The following ARHGEF28 variants were observed in gnomAD, a reference collection of about 807,000 sequenced individuals.
ARHGEF28 encodes the protein Rho guanine nucleotide exchange factor 28.
Under a neutral mutation model 206.6 loss-of-function variants are expected in ARHGEF28, and 152 were observed. The observed-to-expected ratio is 0.74, with a 90% CI of 0.64 to 0.84. ARHGEF28 has a LOEUF of 0.84. ARHGEF28 is among the 40% of genes least tolerant of loss of function. The probability of loss-of-function intolerance (pLI) is 0.00; values close to 1 mark genes in which losing one functional copy is unlikely to be tolerated. For synonymous variants in ARHGEF28, 763 were observed against 776.4 expected, an observed-to-expected ratio of 0.98 and a Z score of 0.29; for missense variants, 2,028 against 2,073.2, an observed-to-expected ratio of 0.98 and a Z score of 0.42.
At chr5:73,859,791 G>C (rs1759277416) in intron 16 of ARHGEF28, among the ~76,000 whole-genome samples, 1 of 152,094 alleles carries the variant, frequency 6.6e-6, no homozygotes, top group Admixed American at 6.5e-5. Context: ...GGGTGGACTT[G>C]TGGACTTGAG....
At chr5:73,690,430 G>C (rs940739349) in intron 2 of ARHGEF28, among the ~76,000 whole-genome samples, 1 of 149,418 alleles carries the variant, frequency 6.7e-6, no homozygotes, top group Non-Finnish European at 1.5e-5. Context: ...ATAATTGGCT[G>C]TGTGTGGTGG....
chr5:73,749,597 G>C lies in ARHGEF28; in HGVS notation c.34-240G>C, dbSNP rs16870761. 0.35 allele frequency among the ~76,000 whole-genome samples: 53,717 copies of C among 152,116 alleles called. 10,753 individuals are homozygous for C. Among genetic ancestry groups the C allele is most frequent in the African/African-American group, 0.55 (22,636 of 41,482 alleles). ...AAAAAATTCTTTCCTGTGCCCTGAA[G>C]TTCTTTAACTTTAAAAACAGAACAA... On this transcript the variant is annotated intron_variant, in intron 2 of 35. Transcript: ENST00000513042.
chr5:73,629,550 T>C (rs1457516168), intron 1 of ARHGEF28, among the ~76,000 whole-genome samples: 1 of 151,174 alleles, frequency 6.6e-6, no homozygotes, highest in Non-Finnish European at 1.5e-5. Flanking sequence ...GCAAAATAAG[T>C]CATGTAACTT....
chr5:73,800,009 A>T (rs1185552321), intron 9 of ARHGEF28, among the ~76,000 whole-genome samples: 1 of 152,174 alleles, frequency 6.6e-6, no homozygotes, highest in Non-Finnish European at 1.5e-5. Flanking sequence ...CTTGGAAAAA[A>T]ATTATGTTAG....
intron 3 of ARHGEF28, among the ~76,000 whole-genome samples, chr5:73,751,403 C>G (rs1012314136): frequency 6.6e-6 from 1 of 152,138 alleles, no homozygotes; most frequent in African/African-American, 2.4e-5. Flanking sequence ...GAGCGAGACT[C>G]TGTCTCAAAA....
chr5:73,894,116 A>G (rs771307521), intron 28 of ARHGEF28, among the ~76,000 whole-genome samples: 2 of 148,630 alleles, frequency 1.3e-5, no homozygotes, highest in African/African-American at 2.6e-5. Flanking sequence ...AACAAAGAAT[A>G]GCTTTGCAAA....
At chr5:73,913,467 A>G (rs392344) in intron 35 of ARHGEF28, among the ~76,000 whole-genome samples, 46,787 of 152,156 alleles carry the variant, frequency 0.31, 7,454 homozygotes, top group African/African-American at 0.37. Flanking sequence ...AAGGCTAGAT[A>G]AAATTATTCA....
chr5:73,721,119 C>T (rs1244345117), intron 2 of ARHGEF28, among the ~76,000 whole-genome samples: 1 of 152,148 alleles, frequency 6.6e-6, no homozygotes, highest in Non-Finnish European at 1.5e-5. Flanking sequence ...CTCTTTCCTT[C>T]TCTCTCTCTT....
At position 73,886,127 on chromosome 5, in the gene ARHGEF28, A is replaced by G. The variant is rs762712345; in HGVS notation, c.3310+23A>G. 5.7e-6 allele frequency: 9 copies of G among 1,590,070 alleles called. No homozygotes were observed. The South Asian group carries it at 6.9e-5, about 12-fold the overall frequency. On this transcript the variant is annotated intron_variant, in intron 25 of 35. Coordinates refer to ENST00000513042, the MANE Select transcript of ARHGEF28 (RefSeq NM_001177693.2). Reference sequence around the variant, plus strand: ...AAGGTACTGTGGCTCTACCAGACCAATTTCTCCCTTCATACACATTATTCA... The same window carrying G: ...AAGGTACTGTGGCTCTACCAGACCAGTTTCTCCCTTCATACACATTATTCA...
At chr5:73,728,186 G>A (rs935238324) in intron 2 of ARHGEF28, among the ~76,000 whole-genome samples, 1 of 152,186 alleles carries the variant, frequency 6.6e-6, no homozygotes, top group East Asian at 1.9e-4. Flanking sequence ...TATCTATGCT[G>A]TCATTGAAGC....
chr5:73,772,638 C>G (rs1349306365), intron 4 of ARHGEF28, among the ~76,000 whole-genome samples: 1 of 152,150 alleles, frequency 6.6e-6, no homozygotes, highest in Non-Finnish European at 1.5e-5. Flanking sequence ...GTTGGCCTCC[C>G]AAAGTGCTGG....
In ARHGEF28 at chr5:73,716,396, C is replaced by G. The variant is rs116388388; in HGVS notation, c.33+31512C>G. 3.4e-3 allele frequency among the ~76,000 whole-genome samples: 512 copies of G among 152,290 alleles called. 3 individuals carry two copies. Among genetic ancestry groups the G allele is most frequent in the African/African-American group, 0.012 (483 of 41,552 alleles). ...TAGGTTTCTTCACCTGTTACATAGC[C>G]TGTTGTGGCCTGGATTTTGCTTATG... On this transcript the variant is annotated intron_variant, in intron 2 of 35. Coordinates refer to ENST00000513042, the MANE Select transcript of ARHGEF28 (RefSeq NM_001177693.2).
At chr5:73,857,473 C>T (rs2112611670) in intron 14 of ARHGEF28, among the ~76,000 whole-genome samples, 183 bp from the exon 15 acceptor site, 1 of 152,030 alleles carries the variant, frequency 6.6e-6, no homozygotes, top group South Asian at 2.1e-4. Context: ...TGTCTGTTCA[C>T]TTATGCTATA....
chr5:73,635,930 C>A (rs1474852690), intron 1 of ARHGEF28, among the ~76,000 whole-genome samples: 1 of 152,140 alleles, frequency 6.6e-6, no homozygotes, highest in Non-Finnish European at 1.5e-5. Flanking sequence ...AGAAGTATTT[C>A]TCTTAAGTTC....
intron 6 of ARHGEF28, among the ~76,000 whole-genome samples, chr5:73,779,156 T>C (rs1290135551): frequency 6.6e-6 from 1 of 152,224 alleles, no homozygotes; most frequent in East Asian, 1.9e-4. Flanking sequence ...ACATTTCAAT[T>C]GACAGTGATG....
chr5:73,631,544 T>C (rs895828488), intron 1 of ARHGEF28, among the ~76,000 whole-genome samples: 3 of 152,186 alleles, frequency 2.0e-5, no homozygotes, highest in African/African-American at 7.2e-5. Flanking sequence ...CCTGGCATCA[T>C]TTTCTAAAGA....
intron 9 of ARHGEF28, among the ~76,000 whole-genome samples, chr5:73,808,261 G>C (rs977117373): frequency 6.6e-6 from 1 of 152,052 alleles, no homozygotes; most frequent in South Asian, 2.1e-4. Context: ...GGGGTTGGGG[G>C]AGGTAGGGAG....
chr5:73,909,807 G>T lies in ARHGEF28; in HGVS notation c.4557G>T (p.Ala1519=). The T allele has an allele frequency of 3.9e-6, 6 of 1,537,068 alleles. No homozygotes were observed. Among genetic ancestry groups the T allele is most frequent in the South Asian group, 1.2e-5 (1 of 81,098 alleles). Residue 1519 remains alanine (A), a synonymous_variant, in exon 34 of 36, where the codon GCG becomes GCT. Coordinates refer to ENST00000513042, the MANE Select transcript of ARHGEF28 (RefSeq NM_001177693.2). ...EGQRLVEREQ[A]RMRAQQSLLG... Reference sequence around the variant, plus strand: ...AGCGCCTGGTGGAGAGGGAGCAGGCGAGGATGCGGGCCCAGCAGAGCCTGC... The same window carrying T: ...AGCGCCTGGTGGAGAGGGAGCAGGCTAGGATGCGGGCCCAGCAGAGCCTGC...
At chr5:73,639,228 CATATAT>C (rs112312521) in intron 1 of ARHGEF28, among the ~76,000 whole-genome samples, 1 of 145,070 alleles carries the variant, frequency 6.9e-6, no homozygotes, top group Non-Finnish European at 1.5e-5. Context: ...TTTTCTATTA[CATATAT>C]ATATATATAT....
Sources: allele counts gnomAD v4.1 joint callset (sites outside exome capture counted in the v4.1 genomes callset), GRCh38; gene constraint gnomAD v4.1.1; transcripts MANE v1.5; gene names NCBI Gene and HGNC (gene_info 2026-07-23, HGNC 2026-07-21).